CCDC197: variants seen among roughly 807,000 people sequenced by gnomAD.
CCDC197 encodes coiled-coil domain containing 197.
A neutral mutation model predicts 13.4 loss-of-function variants in CCDC197; 24 were observed. That is an observed-to-expected ratio of 1.80 (90% CI 1.30 to 2.53). The LOEUF (loss-of-function observed/expected upper bound fraction) is 2.53, where lower values mean the gene tolerates loss of function less well. CCDC197 is among the 30% of genes most tolerant of loss of function. The pLI is 0.00. For missense variants in CCDC197, 255 were observed against 148.8 expected (o/e 1.71, Z -3.71); for synonymous variants, 99 against 55.5 (o/e 1.78, Z -3.48).
In CCDC197 at chr14:94,001,583, C is replaced by G. The variant is rs978730634; in HGVS notation, c.366+260C>G. 1.7e-5 allele frequency: 6 copies of G among 347,506 alleles called. No homozygotes were observed. The East Asian group carries it at 2.9e-4, about 17-fold the overall frequency. 21.5% of individuals were successfully genotyped at this position (347,506 alleles called of 1,614,324 possible). Reference sequence around the variant, plus strand: ...TCCTGGATGCAGAGGGACTGGAGCTCGGCTCCCAGCTCAGCCACTGACTAG... The same window carrying G: ...TCCTGGATGCAGAGGGACTGGAGCTGGGCTCCCAGCTCAGCCACTGACTAG... On this transcript the variant is annotated intron_variant, in intron 4 of 6. Transcript: ENST00000636493.
chr14:93,996,902 C>G (rs910749860), upstream of CCDC197, among the ~76,000 whole-genome samples: 5 of 152,210 alleles, frequency 3.3e-5, no homozygotes, highest in Admixed American at 2.0e-4. Context: ...GCTCCCACCC[C>G]CTGCACGGAA....
chr14:93,998,087 C>T lies in CCDC197; in HGVS notation c.-45C>T. The T allele has an allele frequency of 1.3e-6, 1 of 779,264 alleles. No homozygotes were observed. Among genetic ancestry groups the T allele is most frequent in the Non-Finnish European group, 2.4e-6 (1 of 417,682 alleles). The allele number at this position is 779,264 out of a possible 1,614,324, so 48.3% of individuals were successfully genotyped here. A position where few individuals can be genotyped will look rare whatever the true frequency, so the allele number is the denominator to read the frequency against. On this transcript the variant is annotated 5_prime_UTR_variant, in exon 2 of 7. Transcript: ENST00000636493. The stretch of plus-strand genomic sequence containing the variant: ...TTCGGTCTGTCTTCATCCTGCCTGA[C>T]TCACGGGTCTCCTGTCCTCCTGCAT...
At chr14:93,992,255 G>A (rs1890225916) in intron 1 of CCDC197, among the ~76,000 whole-genome samples, 1 of 152,188 alleles carries the variant, frequency 6.6e-6, no homozygotes, top group South Asian at 2.1e-4. Flanking sequence ...AGGAACAGCA[G>A]GGAAGGCCAG....
chr14:94,003,387 TA>T lies in CCDC197; in HGVS notation c.498+34del, dbSNP rs1157368871. 1.1e-5 allele frequency: 8 copies of T among 699,558 alleles called. No homozygotes were observed. The highest frequency in any genetic ancestry group is 7.1e-5 in the African/African-American group (4 of 56,200). The allele number at this position is 699,558 out of a possible 1,614,324, so 43.3% of individuals were successfully genotyped here. ...CAGTCTTTCAGCCTGGGGGTGGGGTTAGGGGTGGGGAAGGGGAAGCTGATGT... is the reference window on the plus strand; with the variant it reads ...CAGTCTTTCAGCCTGGGGGTGGGGTTGGGGTGGGGAAGGGGAAGCTGATGT... On this transcript the variant is annotated intron_variant, in intron 5 of 6. Transcript: ENST00000636493. This position sits in a 1 kb window ranked among gnomAD's most constrained non-coding sequence, Gnocchi z 5.0.
chr14:93,987,747 C>T (rs1890124108), intron 1 of CCDC197, among the ~76,000 whole-genome samples: 1 of 152,120 alleles, frequency 6.6e-6, no homozygotes, highest in Non-Finnish European at 1.5e-5. Context: ...AAAGAGGTAA[C>T]ACTCCAGCAA....
At chr14:94,002,170 A>G (rs1890536143) in intron 4 of CCDC197, among the ~76,000 whole-genome samples, 1 of 152,080 alleles carries the variant, frequency 6.6e-6, no homozygotes, top group Non-Finnish European at 1.5e-5. Flanking sequence ...TTTCGAGGGG[A>G]GGAAAGTAAG....
chr14:94,004,167 G>C (rs1176102600), intron 5 of CCDC197, among the ~76,000 whole-genome samples: 1 of 152,164 alleles, frequency 6.6e-6, no homozygotes, highest in Non-Finnish European at 1.5e-5. Flanking sequence ...CCCCTTACTG[G>C]CCTTGGGAGT....
At chr14:93,996,697 A>G (rs1211446927), upstream of CCDC197, among the ~76,000 whole-genome samples, 2 of 149,520 alleles carry the variant, frequency 1.3e-5, no homozygotes, top group East Asian at 4.1e-4. Context: ...CTCTGAGCCA[A>G]TGGAAGCCTT....
At chr14:93,998,365 G>C (rs1890386759) in intron 2 of CCDC197, 130 bp downstream of exon 2, 2 of 662,162 alleles carry the variant, frequency 3.0e-6, no homozygotes, top group South Asian at 3.4e-5. Flanking sequence ...AGTGTGGCTT[G>C]GAAGCAAATG....
downstream of CCDC197, among the ~76,000 whole-genome samples, chr14:94,011,109 C>G (rs559098266): frequency 2.0e-5 from 3 of 152,186 alleles, no homozygotes; most frequent in Non-Finnish European, 4.4e-5. Context: ...CACCAACTAC[C>G]CCTGCCTGGA....
upstream of CCDC197, among the ~76,000 whole-genome samples, chr14:93,994,530 G>A (rs184735902): frequency 1.3e-5 from 2 of 152,314 alleles, no homozygotes; most frequent in African/African-American, 4.8e-5. Context: ...TAGGGGCCTG[G>A]GTGGGAGAAA....
At chr14:93,994,048 G>C (rs898932092), upstream of CCDC197, among the ~76,000 whole-genome samples, 2 of 152,154 alleles carry the variant, frequency 1.3e-5, no homozygotes, top group African/African-American at 4.8e-5. Context: ...GGAAGGGGGA[G>C]GAAGAAGAGG....
chr14:93,990,629 T>A (rs714682), intron 1 of CCDC197, among the ~76,000 whole-genome samples: 74,449 of 151,992 alleles, frequency 0.49, 19,119 homozygotes, highest in East Asian at 0.98. Flanking sequence ...GAAGCTCCGA[T>A]TCACCCTCTA....
At chr14:94,002,676 A>G (rs1452336021) in intron 4 of CCDC197, among the ~76,000 whole-genome samples, 1 of 152,070 alleles carries the variant, frequency 6.6e-6, no homozygotes, top group Non-Finnish European at 1.5e-5. Flanking sequence ...AACATGGTGA[A>G]ACCCCATCTC....
At chr14:93,998,540 C>G (rs954985004) in intron 2 of CCDC197, among the ~76,000 whole-genome samples, 1 of 152,172 alleles carries the variant, frequency 6.6e-6, no homozygotes, top group Admixed American at 6.5e-5. Context: ...CCACTCGGCC[C>G]CTCTAAGGCC....
chr14:93,999,224 G>A (rs534276037), intron 2 of CCDC197: 6 of 200,976 alleles, frequency 3.0e-5, no homozygotes, highest in East Asian at 2.8e-4. Flanking sequence ...CTGGCCCCAC[G>A]TCACCAGCTA....
At chr14:93,999,761 C>CAG (rs1890436335) in intron 3 of CCDC197, 96 bp downstream of exon 3, 9 of 734,424 alleles carry the variant, frequency 1.2e-5, no homozygotes, top group Non-Finnish European at 2.3e-5. Context: ...GAGCCACGAG[C>CAG]TGCTCATCTA....
intron 5 of CCDC197, among the ~76,000 whole-genome samples, chr14:94,004,536 T>C (rs1046285399): frequency 6.6e-6 from 1 of 152,148 alleles, no homozygotes; most frequent in African/African-American, 2.4e-5. Context: ...CCTGGAGGTC[T>C]GAAGTCCAGG....
upstream of CCDC197, among the ~76,000 whole-genome samples, chr14:93,993,615 G>C (rs2141341429): frequency 6.6e-6 from 1 of 152,384 alleles, no homozygotes; most frequent in African/African-American, 2.4e-5. Flanking sequence ...GGCATTTGGG[G>C]CTGTAGAGCA....
Sources: gnomAD v4.1 joint callset for allele counts (sites outside exome capture counted in the v4.1 genomes callset) on GRCh38, gnomAD v4.1.1 for gene constraint, Gnocchi (gnomAD v3.1) non-coding constraint, MANE v1.5 for transcripts, NCBI Gene and HGNC (gene_info 2026-07-23, HGNC 2026-07-21) for gene names.